The following DNAAF11 variants were observed in gnomAD, a reference collection of about 807,000 sequenced individuals.
The protein encoded by DNAAF11 is leucine rich repeat containing 6.
DNAAF11 carries 45 observed loss-of-function variants against 60.8 expected under a neutral mutation model. The ratio of observed to expected loss-of-function variants is 0.74; its 90% confidence interval spans 0.58 to 0.95. The LOEUF (loss-of-function observed/expected upper bound fraction) is 0.95, where lower values mean the gene tolerates loss of function less well. Ranked by LOEUF, DNAAF11 falls within the 40% of genes least tolerant of loss-of-function variation. The probability of loss-of-function intolerance (pLI) is 0.00; values close to 1 mark genes in which losing one functional copy is unlikely to be tolerated. For missense variants in DNAAF11, 546 were observed against 546.2 expected (o/e 1.00, Z 0.00); for synonymous variants, 191 against 183.5 (o/e 1.04, Z -0.33).
At chr8:132,617,744 G>A (rs528514731) in intron 7 of DNAAF11, among the ~76,000 whole-genome samples, 181 of 152,048 alleles carry the variant, frequency 1.2e-3, no homozygotes, top group Non-Finnish European at 1.9e-3. Context: ...TACAAGGGAT[G>A]TGAAGGACCT....
chr8:132,622,916 CA>C, intron 6 of DNAAF11: 14 of 373,748 alleles, frequency 3.7e-5, no homozygotes, highest in Middle Eastern at 7.1e-4. Flanking sequence ...ATCTGTACAG[CA>C]AAAAAATGAC....
chr8:132,642,845 A>C (rs563997209), intron 3 of DNAAF11, among the ~76,000 whole-genome samples: 1 of 152,340 alleles, frequency 6.6e-6, no homozygotes, highest in South Asian at 2.1e-4. Flanking sequence ...ATTTGGACCC[A>C]GGTTGGCCCA....
In DNAAF11 at chr8:132,656,852, A is replaced by G. The variant is rs749435096; in HGVS notation, c.234T>C (p.Ile78=). The change falls in exon 3 of 12, where the codon ATT becomes ATC. Residue 78 remains isoleucine (I), a synonymous_variant. Coordinates refer to ENST00000620350, the MANE Select transcript of DNAAF11 (RefSeq NM_012472.6). ...LEYLNLALNN[I]EKIENLEGCE... ...TACCTTCCAAGTTTTCTATTTTTTC[A>G]ATGTTGTTTAAAGCTAAATTCAAAT... 3 of 1,359,264 alleles carry G rather than the reference A, an allele frequency of 2.2e-6. No individual in the cohort carries two copies. The East Asian group carries it at 7.1e-5, about 32-fold the overall frequency. 84.2% of individuals were successfully genotyped at this position (1,359,264 alleles called of 1,614,324 possible).
chr8:132,656,888 C>A lies in DNAAF11; in HGVS notation c.198G>T (p.Lys66Asn). 1.5e-6 allele frequency: 2 copies of A among 1,366,608 alleles called. No homozygotes were observed. The highest frequency in any genetic ancestry group is 2.0e-6 in the Non-Finnish European group (2 of 976,530). The allele number at this position is 1,366,608 out of a possible 1,614,324, so 84.7% of individuals were successfully genotyped here. The change falls in exon 3 of 12, where the codon AAG becomes AAT. Residue 66 changes from lysine (K) to asparagine (N), a missense_variant. Lys to Asn is a moderately conservative substitution (Grantham distance 94, BLOSUM62 0). Coordinates refer to ENST00000620350, the MANE Select transcript of DNAAF11 (RefSeq NM_012472.6). ...AAGCTAAATTCAAATATTCAAGTTT[C>A]TTGAGTTTGCTAACATTTTCTGAAA... The part of the protein sequence containing the change: ...IGKIENVSKL[K>N]KLEYLNLALN...
chr8:132,581,086 T>C (rs1586465903), intron 11 of DNAAF11, among the ~76,000 whole-genome samples: 1 of 152,122 alleles, frequency 6.6e-6, no homozygotes, highest in South Asian at 2.1e-4. Context: ...ACAGGGACAG[T>C]AGGGTGCCCA....
At chr8:132,607,638 CTCTA>C (rs1375237890) in intron 10 of DNAAF11, among the ~76,000 whole-genome samples, 3 of 152,132 alleles carry the variant, frequency 2.0e-5, no homozygotes, top group Non-Finnish European at 2.9e-5. Context: ...CTGTTTTGTT[CTCTA>C]TCTCTGTATA....
At chr8:132,688,393 C>T in the DNAAF11 span, among the ~76,000 whole-genome samples, 1 of 152,172 alleles carries the variant, frequency 6.6e-6, no homozygotes, top group Non-Finnish European at 1.5e-5. Context: ...CACGAAGGAG[C>T]TTTCCCTCTA....
In DNAAF11 at chr8:132,656,867, TA is replaced by T; in HGVS notation, c.218del (p.Leu73Ter). On this transcript the variant is annotated frameshift_variant, in exon 3 of 12. Transcript: ENST00000620350. LOFTEE classifies it high-confidence loss of function. ...CTATTTTTTCAATGTTGTTTAAAGC[TA>T]AATTCAAATATTCAAGTTTCTTGAG... ...SKLKKLEYLN[L>X]ALNNIEKIEN... 7.2e-7 allele frequency: 1 copy of T among 1,381,148 alleles called. No individual in the cohort carries two copies. Among genetic ancestry groups the T allele is most frequent in the Non-Finnish European group, 1.0e-6 (1 of 985,104 alleles). 85.6% of individuals were successfully genotyped at this position (1,381,148 alleles called of 1,614,324 possible). A position where few individuals can be genotyped will look rare whatever the true frequency, so the allele number is the denominator to read the frequency against.
At chr8:132,614,118 C>T (rs1266416844) in intron 8 of DNAAF11, among the ~76,000 whole-genome samples, 2 of 152,186 alleles carry the variant, frequency 1.3e-5, no homozygotes, top group Middle Eastern at 3.2e-3. Flanking sequence ...TAAATTTACA[C>T]TTTGTCAGCA....
intron 3 of DNAAF11, among the ~76,000 whole-genome samples, chr8:132,642,107 GA>G (rs1821913662): frequency 6.6e-6 from 1 of 152,130 alleles, no homozygotes; most frequent in Non-Finnish European, 1.5e-5. Flanking sequence ...TATAAATACA[GA>G]AAATACATGA....
the DNAAF11 span, among the ~76,000 whole-genome samples, chr8:132,688,870 T>C: frequency 6.6e-6 from 1 of 152,226 alleles, no homozygotes. Context: ...ATTAATATAC[T>C]CAGAATCACT....
chr8:132,694,003 C>A, the DNAAF11 span, among the ~76,000 whole-genome samples: 4 of 152,140 alleles, frequency 2.6e-5, no homozygotes, highest in African/African-American at 9.7e-5. Flanking sequence ...TTTATTATAA[C>A]GGGATCACTG....
At chr8:132,667,083 G>A (rs1824712604) in intron 1 of DNAAF11, among the ~76,000 whole-genome samples, 1 of 152,194 alleles carries the variant, frequency 6.6e-6, no homozygotes, top group South Asian at 2.1e-4. Flanking sequence ...AGGCAAGTTT[G>A]AGTCCATTGT....
chr8:132,695,794 T>C, the DNAAF11 span, among the ~76,000 whole-genome samples: 2 of 152,134 alleles, frequency 1.3e-5, no homozygotes, highest in East Asian at 1.9e-4. Flanking sequence ...TGAATAATAG[T>C]TAGAGTATTC....
At chr8:132,595,495 C>CA (rs1179521227) in intron 10 of DNAAF11, among the ~76,000 whole-genome samples, 5 of 151,740 alleles carry the variant, frequency 3.3e-5, no homozygotes, top group Admixed American at 2.0e-4. Context: ...TTTCAAGTGC[C>CA]ATGGAAAGCC....
At chr8:132,681,534 T>C in the DNAAF11 span, among the ~76,000 whole-genome samples, 1 of 151,930 alleles carries the variant, frequency 6.6e-6, no homozygotes, top group Non-Finnish European at 1.5e-5. Flanking sequence ...GCATCCAACA[T>C]AAGGGGTAAC....
At chr8:132,622,997 A>G (rs1819910444) in intron 6 of DNAAF11, among the ~76,000 whole-genome samples, 1 of 152,180 alleles carries the variant, frequency 6.6e-6, no homozygotes, top group African/African-American at 2.4e-5. Context: ...TTAATATTTA[A>G]GTAAGTCTAT....
At chr8:132,645,222 G>C (rs949740693) in intron 3 of DNAAF11, among the ~76,000 whole-genome samples, 2 of 152,130 alleles carry the variant, frequency 1.3e-5, no homozygotes, top group Non-Finnish European at 2.9e-5. Flanking sequence ...AGGCAAACAG[G>C]GTCTGGAGTG....
chr8:132,632,943 T>C lies in DNAAF11; in HGVS notation c.450A>G (p.Ile150Met), dbSNP rs1488316879. 1 of 1,612,772 alleles carries C rather than the reference T, an allele frequency of 6.2e-7. No homozygotes were observed. Among genetic ancestry groups the C allele is most frequent in the Non-Finnish European group, 8.5e-7 (1 of 1,179,204 alleles). Residue 150 changes from isoleucine (I) to methionine (M), a missense_variant, in exon 5 of 12, where the codon ATA becomes ATG. Coordinates refer to ENST00000620350, the MANE Select transcript of DNAAF11 (RefSeq NM_012472.6). ...ATGCCTTAATCCTTTCTGAAGGCTC[T>C]ATTTCTTTACCATCCAACCACTTAA... ...PQLKWLDGKE[I>M]EPSERIKALQ... is the part of the protein sequence containing the mutation.
Sources: gnomAD v4.1 joint callset for allele counts (sites outside exome capture counted in the v4.1 genomes callset) on GRCh38, gnomAD v4.1.1 for gene constraint, MANE v1.5 for transcripts, NCBI Gene and HGNC (gene_info 2026-07-23, HGNC 2026-07-21) for gene names.